GTPBP4: variants seen among roughly 807,000 people sequenced by gnomAD.
GTPBP4 encodes the protein GTP-binding protein 4.
GTPBP4 carries 15 observed loss-of-function variants against 81.7 expected under a neutral mutation model. The observed-to-expected ratio is 0.18, with a 90% CI of 0.12 to 0.28. The LOEUF is 0.28. Ranked by LOEUF, GTPBP4 falls within the 10% of genes least tolerant of loss-of-function variation. GTPBP4 has a pLI of 1.00. For missense variants in GTPBP4, 847 were observed against 793.8 expected (o/e 1.07, Z -0.81); for synonymous variants, 272 against 274.6 (o/e 0.99, Z 0.09).
intron 10 of GTPBP4, chr10:1,007,967 G>A (rs1264685438): frequency 1.9e-6 from 1 of 517,844 alleles, no homozygotes; most frequent in African/African-American, 1.9e-5. Flanking sequence ...CAGATACATT[G>A]CAAATTTTTT....
intron 2 of GTPBP4, 56 bp from the exon 3 acceptor site, chr10:995,873 T>C (rs1831528896): frequency 2.1e-6 from 2 of 954,524 alleles, no homozygotes; most frequent in East Asian, 4.8e-5. Context: ...CTTCAAGTGG[T>C]AGGGATGAAA....
Position 1,017,133 on chromosome 10 carries a change from G to C in GTPBP4, c.1811G>C (p.Gly604Ala), listed in dbSNP as rs753735918. 1 of 1,613,704 alleles carries C rather than the reference G, an allele frequency of 6.2e-7. No homozygotes were observed. The highest frequency in any genetic ancestry group is 8.5e-7 in the Non-Finnish European group (1 of 1,179,578). The change falls in exon 17 of 17, where the codon GGG becomes GCG. Residue 604 changes from glycine (G) to alanine (A), a missense_variant. This residue lies in a region of GTPBP4 where 600 missense variants were observed against 557.1 expected (regional missense o/e 1.08). Coordinates refer to ENST00000360803, the MANE Select transcript of GTPBP4 (RefSeq NM_012341.3). Reference protein sequence around the residue: ...KNAQKKMNRLGKKGEADRHVF... With the variant: ...KNAQKKMNRLAKKGEADRHVF... Reference sequence around the variant, plus strand: ...GCTCAGAAGAAGATGAATCGGTTGGGGAAGAAAGGGGAGGCGGATAGACAC... The same window carrying C: ...GCTCAGAAGAAGATGAATCGGTTGGCGAAGAAAGGGGAGGCGGATAGACAC...
At chr10:995,837 G>A (rs766998230) in intron 2 of GTPBP4, 92 bp from the exon 3 acceptor site, 9 of 728,066 alleles carry the variant, frequency 1.2e-5, no homozygotes, top group African/African-American at 8.8e-5. Context: ...CACTGCAGGC[G>A]TGGAGGGAGA....
Position 1,017,892 on chromosome 10 carries a change from C to A in GTPBP4, c.*665C>A, listed in dbSNP as rs575724443. 6.6e-6 allele frequency: 1 copy of A among 152,304 alleles called. No homozygotes were observed. Among genetic ancestry groups the A allele is most frequent in the East Asian group, 1.9e-4 (1 of 5,186 alleles). The allele number at this position is 152,304 out of a possible 1,614,324, so 9.4% of individuals were successfully genotyped here. ...TGGCCCGTCCCTGAAGTTACATGTT[C>A]AGTAAAACACAAAAACACCGCCAAT... On this transcript the variant is annotated 3_prime_UTR_variant, in exon 17 of 17. Transcript: ENST00000360803.
chr10:1,010,299 G>A lies in GTPBP4; in HGVS notation c.1244-121G>A, dbSNP rs539547016. On this transcript the variant is annotated intron_variant, in intron 12 of 16. Coordinates refer to ENST00000360803, the MANE Select transcript of GTPBP4 (RefSeq NM_012341.3). The stretch of plus-strand genomic sequence containing the variant: ...GATGCTGCTGCATGTGGAATTGCAC[G>A]TCGTGCTCTCTTCTGCAGTGGAGTC... 27 of 642,214 alleles carry A rather than the reference G, an allele frequency of 4.2e-5. No individual in the cohort carries two copies. In the Admixed American group the frequency reaches 5.5e-4, roughly 13 times the overall value. 39.8% of individuals were successfully genotyped at this position (642,214 alleles called of 1,614,324 possible).
chr10:1,006,980 A>C (rs748129175), intron 9 of GTPBP4, 38 bp from the exon 10 acceptor site: 6 of 1,237,750 alleles, frequency 4.8e-6, no homozygotes, highest in South Asian at 4.8e-5. Context: ...CTGCTGGAGG[A>C]TGCGTTTGTG....
At chr10:1,011,564 A>G (rs1480988897) in intron 13 of GTPBP4, among the ~76,000 whole-genome samples, 1 of 151,950 alleles carries the variant, frequency 6.6e-6, no homozygotes, top group Non-Finnish European at 1.5e-5. Context: ...TTTTTATACA[A>G]TACTTGCCAT....
intron 12 of GTPBP4, 58 bp downstream of exon 12, chr10:1,009,638 GA>G (rs1831813457): frequency 1.1e-6 from 1 of 919,766 alleles, no homozygotes; most frequent in Admixed American, 1.7e-5. Flanking sequence ...AAGTATTTCA[GA>G]AAATGGGGGA....
chr10:1,008,332 G>C, intron 10 of GTPBP4: 1 of 369,136 alleles, frequency 2.7e-6, no homozygotes, highest in Non-Finnish European at 5.3e-6. Context: ...TTGAACCTGG[G>C]AGGTGGAGGT....
rs1832014292 is a variant in GTPBP4 at position 1,017,512 on chromosome 10, G to C, written c.*285G>C. 5 of 284,622 alleles carry C rather than the reference G, an allele frequency of 1.8e-5. 1 individual carries two copies. Among genetic ancestry groups the C allele is most frequent in the Non-Finnish European group, 3.2e-5 (5 of 154,540 alleles). 17.6% of individuals were successfully genotyped at this position (284,622 alleles called of 1,614,324 possible). ...GAAGATTTACTGGTTTAACTAGGTT[G>C]TTTTTGATGGAGAAAAACCTTATTT... On this transcript the variant is annotated 3_prime_UTR_variant, in exon 17 of 17. Transcript: ENST00000360803.
intron 13 of GTPBP4, 30 bp from the exon 14 acceptor site, chr10:1,012,435 T>C: frequency 6.7e-7 from 1 of 1,484,736 alleles, no homozygotes; most frequent in Non-Finnish European, 9.3e-7. Context: ...TCATTGTTAA[T>C]TTTGCTTCAT....
Position 1,005,718 on chromosome 10 carries a change from A to T in GTPBP4, c.913-100A>T, listed in dbSNP as rs1465214061. On this transcript the variant is annotated intron_variant, in intron 8 of 16. Coordinates refer to ENST00000360803, the MANE Select transcript of GTPBP4 (RefSeq NM_012341.3). The stretch of plus-strand genomic sequence containing the variant: ...TTTTAAGACTTTGAAACAACCACAG[A>T]TGTTCACATTTGCAGCCTCCATTTG... The T allele has an allele frequency of 1.4e-5, 10 of 723,888 alleles. 1 individual carries two copies. In the Middle Eastern group the frequency reaches 9.9e-4, roughly 71 times the overall value. The allele number at this position is 723,888 out of a possible 1,614,324, so 44.8% of individuals were successfully genotyped here.
chr10:995,812 G>T, intron 2 of GTPBP4, 117 bp from the exon 3 acceptor site: 1 of 641,474 alleles, frequency 1.6e-6, no homozygotes. Context: ...CCAGGAGAGG[G>T]AACTGGGGAG....
At chr10:997,063 C>T (rs1831548812) in intron 4 of GTPBP4, 145 bp from the exon 5 acceptor site, 1 of 669,794 alleles carries the variant, frequency 1.5e-6, no homozygotes, top group Non-Finnish European at 2.7e-6. Context: ...CTTTCTGCAA[C>T]TATTTTCTCC....
In GTPBP4 at chr10:1,000,661, G is replaced by A. The variant is rs768923038; in HGVS notation, c.655-16G>A. On this transcript the variant is annotated splice_polypyrimidine_tract_variant and intron_variant, in intron 6 of 16. Transcript: ENST00000360803. ...TGGGTGAGTGTGCTTTCAGTGACAA[G>A]GTCTGGCTGTGTTAGGTTGTAGACA... is the stretch of plus-strand genomic sequence containing the variant. 1 of 1,477,122 alleles carries A rather than the reference G, an allele frequency of 6.8e-7. No homozygotes were observed. The highest frequency in any genetic ancestry group is 2.4e-5 in the East Asian group (1 of 42,550). The allele number at this position is 1,477,122 out of a possible 1,614,324, so 91.5% of individuals were successfully genotyped here.
chr10:1,016,875 A>G (rs1222366058), intron 16 of GTPBP4, among the ~76,000 whole-genome samples, 200 bp from the exon 17 acceptor site: 1 of 149,272 alleles, frequency 6.7e-6, no homozygotes, highest in Non-Finnish European at 1.5e-5. Context: ...GAGATGTAAC[A>G]GGGGTAACTG....
rs756688779 is a variant in GTPBP4, at chr10:1,015,808, G to A, written c.1664G>A (p.Arg555Gln). 8 of 1,613,930 alleles carry A rather than the reference G, an allele frequency of 5.0e-6. No individual in the cohort carries two copies. The highest frequency in any genetic ancestry group is 3.4e-6 in the Non-Finnish European group (4 of 1,179,878). ...CGGAGCATCACTAGGAAAAGAAAGC[G>A]GGAAGACTCTGCTCCCCCGTCCTCT... Reference protein sequence around the residue: ...RSRSITRKRKREDSAPPSSVA... With the variant: ...RSRSITRKRKQEDSAPPSSVA... Residue 555 changes from arginine (R) to glutamine (Q), a missense_variant, in exon 16 of 17, where the codon CGG (arginine) becomes CAG (glutamine). Coordinates refer to ENST00000360803, the MANE Select transcript of GTPBP4 (RefSeq NM_012341.3).
intron 8 of GTPBP4, among the ~76,000 whole-genome samples, chr10:1,002,285 C>T (rs1203995199): frequency 2.0e-5 from 3 of 152,142 alleles, no homozygotes; most frequent in African/African-American, 2.4e-5. Context: ...TCTAATGTTG[C>T]GAGTCTGATG....
chr10:992,126 C>T (rs1276150330), intron 1 of GTPBP4, among the ~76,000 whole-genome samples: 2 of 150,634 alleles, frequency 1.3e-5, no homozygotes, highest in South Asian at 2.1e-4. Context: ...CAGGGCCGGG[C>T]GTGGTGGCTC....
Sources: gnomAD v4.1 joint callset for allele counts (sites outside exome capture counted in the v4.1 genomes callset) on GRCh38, gnomAD v4.1.1 for gene constraint, gnomAD v4.1.1 regional missense constraint, MANE v1.5 for transcripts, NCBI Gene and HGNC (gene_info 2026-07-23, HGNC 2026-07-21) for gene names.